Variants in GRAMD4 observed in about 807,000 individuals in gnomAD.
GRAMD4 encodes GRAM domain containing 4, also known as GRAM domain-containing protein 4.
A neutral mutation model predicts 83.9 loss-of-function variants in GRAMD4; 25 were observed. That is an observed-to-expected ratio of 0.30 (90% CI 0.22 to 0.42). The LOEUF is 0.42. GRAMD4 is among the 10% of genes least tolerant of loss of function. The pLI, the probability that GRAMD4 is intolerant of heterozygous loss-of-function variation, is 1.00. For missense variants in GRAMD4, 593 were observed against 788.7 expected, an observed-to-expected ratio of 0.75 and a Z score of 2.97; for synonymous variants, 336 against 320.9, an observed-to-expected ratio of 1.05 and a Z score of -0.50.
chr22:46,668,851 TG>T lies in GRAMD4; in HGVS notation c.1030del (p.Ala344LeufsTer110). 1 of 1,611,184 alleles carries T rather than the reference TG, an allele frequency of 6.2e-7. No individual in the cohort carries two copies. ...EITQKLYVALWAAFLASCFFP... is the reference protein window; with the variant it reads ...EITQKLYVALXAAFLASCFFP... Reference sequence around the variant, plus strand: ...CACACAGAAGCTGTATGTGGCGCTCTGGGCTGCCTTCCTGGCCTCCTGCTTC... The same window carrying T: ...CACACAGAAGCTGTATGTGGCGCTCTGGCTGCCTTCCTGGCCTCCTGCTTC... On this transcript the variant is annotated frameshift_variant, in exon 13 of 19. Transcript: ENST00000406902. LOFTEE classifies it high-confidence loss of function.
chr22:46,659,483 G>A lies in GRAMD4; in HGVS notation c.404+1176G>A, dbSNP rs1337583720. 3.3e-5 allele frequency among the ~76,000 whole-genome samples: 5 copies of A among 152,196 alleles called. No individual in the cohort carries two copies. The highest frequency in any genetic ancestry group is 2.1e-4 in the South Asian group (1 of 4,834). ...GCTGTCACCAGTTAGGGAGGCACAC[G>A]GCATCTCTGGGACACCCCAGCTGAG... On this transcript the variant is annotated intron_variant, in intron 4 of 18. Coordinates refer to ENST00000406902, the MANE Select transcript of GRAMD4 (RefSeq NM_015124.5). This position sits in a 1 kb window ranked among gnomAD's most constrained non-coding sequence, Gnocchi z 4.1.
chr22:46,623,543 C>A (rs1402353221), intron 1 of GRAMD4, among the ~76,000 whole-genome samples: 2 of 150,738 alleles, frequency 1.3e-5, no homozygotes, highest in East Asian at 4.0e-4. Flanking sequence ...CTACAGGTGC[C>A]CGCCACCTTG....
chr22:46,594,719 G>C (rs1186934334), intron 1 of GRAMD4, among the ~76,000 whole-genome samples: 1 of 151,880 alleles, frequency 6.6e-6, no homozygotes, highest in Non-Finnish European at 1.5e-5. Flanking sequence ...GGAGATGGAG[G>C]CTGGGGCTGT....
At chr22:46,682,484 A>C (rs1189930053), downstream of GRAMD4, 1 of 974,434 alleles carries the variant, frequency 1.0e-6, no homozygotes, top group African/African-American at 1.7e-5. Context: ...GAAGCTCTCG[A>C]AGACCTGCCT....
chr22:46,607,236 C>G (rs1251654754), intron 1 of GRAMD4, among the ~76,000 whole-genome samples: 1 of 151,866 alleles, frequency 6.6e-6, no homozygotes, highest in Non-Finnish European at 1.5e-5. Flanking sequence ...AGGAGAAATA[C>G]CTAATGTAAA....
In GRAMD4 at chr22:46,676,512, G is replaced by A. The variant is rs949080567; in HGVS notation, c.1564-88G>A. 77 of 1,209,640 alleles carry A rather than the reference G, an allele frequency of 6.4e-5. No individual in the cohort carries two copies. In the African/African-American group the frequency reaches 1.1e-3, roughly 17 times the overall value. The allele number at this position is 1,209,640 out of a possible 1,614,324, so 74.9% of individuals were successfully genotyped here. A position where few individuals can be genotyped will look rare whatever the true frequency, so the allele number is the denominator to read the frequency against. ...GTGGGCCCTGCTGCCTGTGTGCCCA[G>A]TGGAGGAGGATGCCCTGGGCCTGTG... On this transcript the variant is annotated intron_variant, in intron 17 of 18. Coordinates refer to ENST00000406902, the MANE Select transcript of GRAMD4 (RefSeq NM_015124.5).
rs776152054 is a variant in GRAMD4, at chr22:46,672,890, C to T, written c.1132C>T (p.Arg378Cys). The T allele has an allele frequency of 2.3e-5, 37 of 1,612,440 alleles. No homozygotes were observed. Among genetic ancestry groups the T allele is most frequent in the Admixed American group, 1.0e-4 (6 of 59,968 alleles). Residue 378 changes from arginine to cysteine, a missense_variant, in exon 14 of 19, where the codon CGC becomes TGC. Physicochemically the swap from Arg to Cys is radical, Grantham distance 180. Around this residue, in one of 4 missense-constraint regions of GRAMD4, gnomAD observed 171 missense variants for 199.6 expected, o/e 0.86. Coordinates refer to ENST00000406902, the MANE Select transcript of GRAMD4 (RefSeq NM_015124.5). The surrounding 1 kb of genome is among the most constrained non-coding windows in gnomAD (Gnocchi z 4.7). ...KFFLIDFIFK[R>C]CPRLRAKYDT... ...CTTCCTCATTGATTTCATCTTTAAA[C>T]GCTGCCCGAGGCTGCGCGCCAAGTA...
intron 1 of GRAMD4, among the ~76,000 whole-genome samples, chr22:46,581,737 C>T (rs187387372): frequency 9.6e-4 from 147 of 152,334 alleles, no homozygotes; most frequent in African/African-American, 3.3e-3. Context: ...CACAGAGCCA[C>T]AGGTTGCTGC....
In GRAMD4 at chr22:46,620,683, C is replaced by G. The variant is rs1363907852; in HGVS notation, c.-50+118C>G. ...GTGGTCCCAGCTACCACGTGCTCTT[C>G]TGGAGCCATCTTGATCTTGAAAGGC... On this transcript the variant is annotated intron_variant, in intron 1 of 18. Transcript: ENST00000406902. The surrounding 1 kb of genome is among the most constrained non-coding windows in gnomAD (Gnocchi z 4.7). 2 of 233,852 alleles carry G rather than the reference C, an allele frequency of 8.6e-6. No homozygotes were observed. Among genetic ancestry groups the G allele is most frequent in the East Asian group, 3.6e-4 (2 of 5,556 alleles). The allele number at this position is 233,852 out of a possible 1,614,324, so 14.5% of individuals were successfully genotyped here. A position where few individuals can be genotyped will look rare whatever the true frequency, so the allele number is the denominator to read the frequency against.
chr22:46,615,582 C>CAT (rs1569261738), upstream of GRAMD4, among the ~76,000 whole-genome samples: 5 of 77,158 alleles, frequency 6.5e-5, no homozygotes, highest in Admixed American at 1.5e-4. Flanking sequence ...TTCCCCTGTG[C>CAT]GTGTAGGTTC....
At chr22:46,681,180 A>T (rs2080583), downstream of GRAMD4, among the ~76,000 whole-genome samples, 1 of 123,928 alleles carries the variant, frequency 8.1e-6, no homozygotes, top group African/African-American at 2.8e-5. Flanking sequence ...CCACACAGAC[A>T]GGGGGCAGTG....
chr22:46,680,095 TG>T (rs910250908), downstream of GRAMD4, among the ~76,000 whole-genome samples: 3 of 152,162 alleles, frequency 2.0e-5, no homozygotes, highest in Non-Finnish European at 2.9e-5. Context: ...TACCCAGGGC[TG>T]GCACAGGGCG....
upstream of GRAMD4, among the ~76,000 whole-genome samples, chr22:46,615,754 A>T (rs1476332565): frequency 5.2e-4 from 4 of 7,658 alleles, no homozygotes; most frequent in African/African-American, 1.7e-3. Flanking sequence ...CTGTGCGTGT[A>T]GGTTCCCCCT....
intron 1 of GRAMD4, among the ~76,000 whole-genome samples, chr22:46,593,187 A>G (rs978343292): frequency 7.2e-5 from 11 of 152,108 alleles, no homozygotes; most frequent in African/African-American, 2.7e-4. Context: ...GCAGAAAGGT[A>G]AATTGTACTG....
intron 1 of GRAMD4, among the ~76,000 whole-genome samples, chr22:46,595,983 G>A (rs2081258533): frequency 6.6e-6 from 1 of 152,064 alleles, no homozygotes; most frequent in African/African-American, 2.4e-5. Flanking sequence ...ATCCTGGTGG[G>A]ACAAGCACCC....
In GRAMD4 at chr22:46,672,196, G is replaced by A. The variant is rs1200866870; in HGVS notation, c.1085-647G>A. On this transcript the variant is annotated intron_variant, in intron 13 of 18. Transcript: ENST00000406902. This position sits in a 1 kb window ranked among gnomAD's most constrained non-coding sequence, Gnocchi z 4.7. ...ATCTGTTGCCAGGTGGGGTCCTGGG[G>A]CGCAGTCAGGCCTGGCTCTTCTGAG... Among the ~76,000 whole-genome samples the A allele has an allele frequency of 6.6e-6, 1 of 152,242 alleles. No homozygotes were observed. The highest frequency in any genetic ancestry group is 2.4e-5 in the African/African-American group (1 of 41,464).
chr22:46,648,268 T>TG (rs1644362747), intron 3 of GRAMD4, among the ~76,000 whole-genome samples: 2 of 142,602 alleles, frequency 1.4e-5, no homozygotes, highest in Admixed American at 1.4e-4. Flanking sequence ...ATTAGGTAAA[T>TG]GGATGGGTAA....
chr22:46,679,669 A>G lies in GRAMD4; in HGVS notation c.*2418A>G. The G allele has an allele frequency of 1.0e-6, 1 of 982,654 alleles. No individual in the cohort carries two copies. The highest frequency in any genetic ancestry group is 1.2e-6 in the Non-Finnish European group (1 of 827,170). The allele number at this position is 982,654 out of a possible 1,614,324, so 60.9% of individuals were successfully genotyped here. A position where few individuals can be genotyped will look rare whatever the true frequency, so the allele number is the denominator to read the frequency against. On this transcript the variant is annotated 3_prime_UTR_variant, in exon 19 of 19. Transcript: ENST00000406902. ...AACAAAAGGATTGTACTGTATTAAG[A>G]ACCGATGAAAAAAATTCTCCTGTAA...
intron 1 of GRAMD4, among the ~76,000 whole-genome samples, chr22:46,588,296 G>A (rs1302169473): frequency 1.3e-5 from 2 of 152,166 alleles, no homozygotes; most frequent in Non-Finnish European, 2.9e-5. Flanking sequence ...GGTCAGGAGG[G>A]GCAGAGCTGA....
Sources: allele counts gnomAD v4.1 joint callset (sites outside exome capture counted in the v4.1 genomes callset), GRCh38; gene constraint gnomAD v4.1.1; regional missense constraint gnomAD v4.1.1; non-coding constraint Gnocchi (gnomAD v3.1); transcripts MANE v1.5; gene names NCBI Gene and HGNC (gene_info 2026-07-23, HGNC 2026-07-21).